SDK2: variants seen among roughly 807,000 people sequenced by gnomAD.
SDK2 encodes protein sidekick-2.
SDK2 carries 105 observed loss-of-function variants against 253.9 expected under a neutral mutation model. That is an observed-to-expected ratio of 0.41 (90% confidence interval 0.35 to 0.49). The LOEUF (loss-of-function observed/expected upper bound fraction) is 0.49. Ranked by LOEUF, SDK2 falls within the 20% of genes least tolerant of loss-of-function variation. The pLI, the probability that SDK2 is intolerant of heterozygous loss-of-function variation, is 0.06. For missense variants in SDK2, 2,608 were observed against 3,003.0 expected (o/e 0.87, Z 3.07); for synonymous variants, 1,249 against 1,234.9 (o/e 1.01, Z -0.24).
chr17:73,540,459 T>A (rs2044850749), intron 1 of SDK2, among the ~76,000 whole-genome samples: 1 of 152,222 alleles, frequency 6.6e-6, no homozygotes, highest in African/African-American at 2.4e-5. Flanking sequence ...GAGACTACTT[T>A]AGCTTCAGCA....
chr17:73,623,816 G>C (rs2046165497), intron 1 of SDK2, among the ~76,000 whole-genome samples: 1 of 152,188 alleles, frequency 6.6e-6, no homozygotes, highest in Non-Finnish European at 1.5e-5. Flanking sequence ...ACTGCAGAGG[G>C]AATTGCCCTT....
At chr17:73,350,158 G>A in intron 43 of SDK2, 79 bp downstream of exon 43, 2 of 228,000 alleles carry the variant, frequency 8.8e-6, no homozygotes, top group Non-Finnish European at 6.2e-6. Flanking sequence ...GGCACTCCCT[G>A]CTCTATGGCC....
At chr17:73,367,540 C>T (rs1190680686) in intron 37 of SDK2, among the ~76,000 whole-genome samples, 1 of 151,658 alleles carries the variant, frequency 6.6e-6, no homozygotes, top group Non-Finnish European at 1.5e-5. Flanking sequence ...TACTCTGTCA[C>T]CCAGGCTAGA....
intron 1 of SDK2, among the ~76,000 whole-genome samples, chr17:73,552,752 T>C (rs1381809335): frequency 2.0e-5 from 3 of 152,338 alleles, no homozygotes; most frequent in Non-Finnish European, 4.4e-5. Context: ...TGGACCCCGC[T>C]GTAGGCTGCT....
chr17:73,450,951 C>T (rs1324169133), intron 4 of SDK2, among the ~76,000 whole-genome samples: 1 of 152,246 alleles, frequency 6.6e-6, no homozygotes, highest in Admixed American at 6.5e-5. Flanking sequence ...CGCTGCCCAC[C>T]TCAGTCTCAG....
At chr17:73,524,355 C>A (rs1459461645) in intron 1 of SDK2, among the ~76,000 whole-genome samples, 1 of 152,200 alleles carries the variant, frequency 6.6e-6, no homozygotes, top group Non-Finnish European at 1.5e-5. Context: ...CCCCGCCCGC[C>A]CCGGCCATTC....
At chr17:73,408,818 G>T (rs1437646115) in intron 18 of SDK2, among the ~76,000 whole-genome samples, 1 of 152,200 alleles carries the variant, frequency 6.6e-6, no homozygotes, top group Non-Finnish European at 1.5e-5. Flanking sequence ...ACTTCATTTA[G>T]ATCCTGAAGC....
At chr17:73,399,088 G>T in intron 22 of SDK2, 80 bp downstream of exon 22, 1 of 1,461,194 alleles carries the variant, frequency 6.8e-7, no homozygotes, top group Non-Finnish European at 9.4e-7. Context: ...CACACAGGCC[G>T]AAATACACAT....
chr17:73,347,387 G>A lies in SDK2; in HGVS notation c.6165+1212C>T, dbSNP rs2062493758. ...TCATAACTTGGATCACGTGGGTTTT[G>A]TCCCCCACAATAAGTTCCTGGGTAA... is the stretch of plus-strand genomic sequence containing the variant. On this transcript the variant is annotated intron_variant, in intron 44 of 44. Transcript: ENST00000392650. 2.6e-5 allele frequency among the ~76,000 whole-genome samples: 4 copies of A among 152,150 alleles called. No individual in the cohort carries two copies. In the South Asian group the frequency reaches 6.2e-4, roughly 24 times the overall value.
intron 5 of SDK2, among the ~76,000 whole-genome samples, chr17:73,446,889 C>T (rs1341956642): frequency 1.3e-5 from 2 of 152,112 alleles, no homozygotes; most frequent in African/African-American, 4.8e-5. Context: ...GGGAGGGGCT[C>T]GTCCAGTAGG....
intron 24 of SDK2, among the ~76,000 whole-genome samples, chr17:73,397,073 G>A (rs1599522961): frequency 6.6e-6 from 1 of 152,228 alleles, no homozygotes; most frequent in African/African-American, 2.4e-5. Flanking sequence ...TGCACAATGA[G>A]TGAGATCTTA....
At chr17:73,628,834 C>A (rs994317435) in intron 1 of SDK2, among the ~76,000 whole-genome samples, 3 of 152,216 alleles carry the variant, frequency 2.0e-5, no homozygotes, top group African/African-American at 7.2e-5. Flanking sequence ...AAAGCCACGC[C>A]CCAGAGACTG....
In SDK2 at chr17:73,496,365, T is replaced by C. The variant is rs1406114270; in HGVS notation, c.224+11073A>G. 6.6e-6 allele frequency among the ~76,000 whole-genome samples: 1 copy of C among 151,804 alleles called. No homozygotes were observed. The highest frequency in any genetic ancestry group is 1.9e-4 in the East Asian group (1 of 5,180). On this transcript the variant is annotated intron_variant, in intron 2 of 44. Coordinates refer to ENST00000392650, the MANE Select transcript of SDK2 (RefSeq NM_001144952.2). This position sits in a 1 kb window ranked among gnomAD's most constrained non-coding sequence, Gnocchi z 4.7. ...AGGGGCAGGACTGGACATCACAAGGTGGGATGCTGGGGCTGGATCTGGGAA... is the reference window on the plus strand; with the variant it reads ...AGGGGCAGGACTGGACATCACAAGGCGGGATGCTGGGGCTGGATCTGGGAA...
At position 73,455,909 on chromosome 17, in the gene SDK2, C is replaced by A. The variant is rs966541058; in HGVS notation, c.476G>T (p.Arg159Leu). 6.5e-7 allele frequency: 1 copy of A among 1,542,032 alleles called. No homozygotes were observed. ...CCCCTCAGAGCGATGCACTCACATGCGGCTGCTGGGCGGGATCTTGCGGCC... is the reference window on the plus strand; with the variant it reads ...CCCCTCAGAGCGATGCACTCACATGAGGCTGCTGGGCGGGATCTTGCGGCC... ...RDGRKIPPSSRIAITLENTLV... is the reference protein window; with the variant it reads ...RDGRKIPPSSLIAITLENTLV... Residue 159 changes from arginine (R) to leucine (L), a missense_variant, in exon 4 of 45, where the codon CGC (arginine) becomes CTC (leucine). Around this residue, in one of 2 missense-constraint regions of SDK2, gnomAD observed 1,505 missense variants for 1,859.1 expected, o/e 0.81. Coordinates refer to ENST00000392650, the MANE Select transcript of SDK2 (RefSeq NM_001144952.2). The surrounding 1 kb of genome is among the most constrained non-coding windows in gnomAD (Gnocchi z 5.0).
rs530377528 is a variant in SDK2, at chr17:73,337,616, C to G, written c.*971G>C. 5 of 152,532 alleles carry G rather than the reference C, an allele frequency of 3.3e-5. No homozygotes were observed. The highest frequency in any genetic ancestry group is 1.3e-4 in the Admixed American group (2 of 15,284). 9.4% of individuals were successfully genotyped at this position (152,532 alleles called of 1,614,324 possible). A position where few individuals can be genotyped will look rare whatever the true frequency, so the allele number is the denominator to read the frequency against. On this transcript the variant is annotated 3_prime_UTR_variant, in exon 45 of 45. Transcript: ENST00000392650. ...TCCCCAGCCTTGGGAAGCTGACTAC[C>G]CCTTTAAAGAGAGGACGGATGGAAC... is the stretch of plus-strand genomic sequence containing the variant.
intron 39 of SDK2, among the ~76,000 whole-genome samples, chr17:73,359,532 C>T (rs938895848): frequency 1.3e-5 from 2 of 152,226 alleles, no homozygotes; most frequent in Admixed American, 1.3e-4. Context: ...GGGCTGAGGA[C>T]AGAGCCTGCA....
chr17:73,514,725 A>G (rs1388791645), intron 1 of SDK2, among the ~76,000 whole-genome samples: 1 of 152,186 alleles, frequency 6.6e-6, no homozygotes, highest in Non-Finnish European at 1.5e-5. Context: ...CTTCTCAGGC[A>G]TAGAATAAGG....
chr17:73,488,965 T>C (rs1260255596), intron 2 of SDK2, among the ~76,000 whole-genome samples: 1 of 152,214 alleles, frequency 6.6e-6, no homozygotes, highest in Non-Finnish European at 1.5e-5. Flanking sequence ...GCACAGCGCT[T>C]GACGTTCGGT....
chr17:73,437,862 C>T, intron 7 of SDK2, 40 bp from the exon 8 acceptor site: 5 of 1,609,992 alleles, frequency 3.1e-6, no homozygotes, highest in Non-Finnish European at 4.3e-6. Flanking sequence ...CAGAGCCATG[C>T]TCGCTTTGAT....
Sources: allele counts gnomAD v4.1 joint callset (sites outside exome capture counted in the v4.1 genomes callset), GRCh38; gene constraint gnomAD v4.1.1; regional missense constraint gnomAD v4.1.1; non-coding constraint Gnocchi (gnomAD v3.1); transcripts MANE v1.5; gene names NCBI Gene and HGNC (gene_info 2026-07-23, HGNC 2026-07-21).